Variants in CMPK1 observed in about 807,000 individuals in gnomAD.
CMPK1 encodes cytidine/uridine monophosphate kinase 1.
Under a neutral mutation model 25.7 loss-of-function variants are expected in CMPK1, and 10 were observed. The observed-to-expected ratio is 0.39, with a 90% CI of 0.24 to 0.66. The LOEUF (loss-of-function observed/expected upper bound fraction) is 0.66. CMPK1 is among the 30% of genes least tolerant of loss of function. The pLI, the probability that CMPK1 is intolerant of heterozygous loss-of-function variation, is 0.48. For missense variants in CMPK1, 199 were observed against 280.5 expected (o/e 0.71, Z 2.08); for synonymous variants, 106 against 101.5 (o/e 1.04, Z -0.27).
intron 1 of CMPK1, among the ~76,000 whole-genome samples, chr1:47,334,338 G>T (rs1646380074): frequency 6.6e-6 from 1 of 152,112 alleles, no homozygotes; most frequent in Non-Finnish European, 1.5e-5. Flanking sequence ...GCTTGAGGTC[G>T]CTTTGTTCCT....
At chr1:47,355,707 A>C (rs781081195) in intron 1 of CMPK1, among the ~76,000 whole-genome samples, 2 of 150,480 alleles carry the variant, frequency 1.3e-5, no homozygotes, top group East Asian at 3.9e-4. Flanking sequence ...CCCGAGTTCA[A>C]ATGATTCTCA....
At chr1:47,335,775 T>A (rs1263584215) in intron 1 of CMPK1, among the ~76,000 whole-genome samples, 1 of 152,100 alleles carries the variant, frequency 6.6e-6, no homozygotes, top group African/African-American at 2.4e-5. Flanking sequence ...TTGTTTTTGT[T>A]TTTGTTTTTG....
At chr1:47,348,483 C>G (rs1335060930) in intron 1 of CMPK1, among the ~76,000 whole-genome samples, 2 of 152,112 alleles carry the variant, frequency 1.3e-5, no homozygotes, top group African/African-American at 4.8e-5. Flanking sequence ...TTTTATGCTG[C>G]CTGGTGCGTA....
At chr1:47,360,760 G>A (rs572428019) in intron 1 of CMPK1, among the ~76,000 whole-genome samples, 3 of 152,136 alleles carry the variant, frequency 2.0e-5, no homozygotes, top group Admixed American at 6.6e-5. Context: ...ACAGTAAGTC[G>A]AAGTGTTGCC....
At chr1:47,343,757 G>A (rs1197234208) in intron 1 of CMPK1, among the ~76,000 whole-genome samples, 1 of 151,882 alleles carries the variant, frequency 6.6e-6, no homozygotes, top group Non-Finnish European at 1.5e-5. Flanking sequence ...GCATGGTGGC[G>A]GGCGCCTGTA....
chr1:47,338,665 T>G (rs1235841152), intron 1 of CMPK1, among the ~76,000 whole-genome samples: 1 of 151,738 alleles, frequency 6.6e-6, no homozygotes, highest in Non-Finnish European at 1.5e-5. Flanking sequence ...TGTTTTATTT[T>G]CTAATTGTTT....
At chr1:47,373,233 A>G (rs1305817175) in intron 3 of CMPK1, 126 bp downstream of exon 3, 5 of 857,906 alleles carry the variant, frequency 5.8e-6, no homozygotes, top group Non-Finnish European at 8.6e-6. Flanking sequence ...GGTAGATTGG[A>G]TGGACGGAAC....
chr1:47,357,206 G>A (rs184970394), intron 1 of CMPK1, among the ~76,000 whole-genome samples: 41 of 151,670 alleles, frequency 2.7e-4, no homozygotes, highest in African/African-American at 9.4e-4. Flanking sequence ...CTGGTGATCT[G>A]CCTGCCTCGG....
chr1:47,344,592 G>A (rs189211625), intron 1 of CMPK1, among the ~76,000 whole-genome samples: 101 of 151,280 alleles, frequency 6.7e-4, no homozygotes, highest in African/African-American at 2.2e-3. Context: ...TCCACTTCCC[G>A]GGTTCAAGCG....
At chr1:47,373,999 G>T (rs1204704887) in intron 3 of CMPK1, among the ~76,000 whole-genome samples, 2 of 152,194 alleles carry the variant, frequency 1.3e-5, no homozygotes, top group Non-Finnish European at 2.9e-5. Flanking sequence ...GAAGTTGGCT[G>T]TTCTTAGGTT....
At chr1:47,372,813 CTTTT>C (rs58538890) in intron 2 of CMPK1, 138 bp from the exon 3 acceptor site, 3 of 316,736 alleles carry the variant, frequency 9.5e-6, no homozygotes, top group Non-Finnish European at 1.1e-5. Context: ...TTTTTCTTTT[CTTTT>C]TTTTTTTTGC....
intron 1 of CMPK1, among the ~76,000 whole-genome samples, chr1:47,337,936 A>G (rs912075925): frequency 6.6e-6 from 1 of 152,138 alleles, no homozygotes; most frequent in African/African-American, 2.4e-5. Flanking sequence ...TAGTGAAGTC[A>G]GCGGTATGTT....
intron 1 of CMPK1, among the ~76,000 whole-genome samples, chr1:47,352,817 T>C (rs911214841): frequency 2.0e-5 from 3 of 152,226 alleles, no homozygotes; most frequent in African/African-American, 4.8e-5. Flanking sequence ...CAGTTATTTA[T>C]GGTCATCATT....
At chr1:47,372,922 T>C in intron 2 of CMPK1, 33 bp from the exon 3 acceptor site, 1 of 1,572,962 alleles carries the variant, frequency 6.4e-7, no homozygotes, top group Non-Finnish European at 8.6e-7. Flanking sequence ...TTTGTTAATG[T>C]TGTATTGAAC....
chr1:47,344,067 T>TAAA (rs34326568), intron 1 of CMPK1, among the ~76,000 whole-genome samples: 1 of 141,436 alleles, frequency 7.1e-6, no homozygotes, highest in South Asian at 2.3e-4. Flanking sequence ...GACCATGTCT[T>TAAA]AAAAAAAAAA....
At chr1:47,335,873 C>G (rs1646394842) in intron 1 of CMPK1, among the ~76,000 whole-genome samples, 1 of 151,926 alleles carries the variant, frequency 6.6e-6, no homozygotes, top group Non-Finnish European at 1.5e-5. Flanking sequence ...AAGCGATTTT[C>G]CTGCCTCAGC....
intron 1 of CMPK1, among the ~76,000 whole-genome samples, chr1:47,350,227 C>A (rs192159974): frequency 6.6e-6 from 1 of 151,952 alleles, no homozygotes; most frequent in East Asian, 2.0e-4. Flanking sequence ...GTGTGAGCCA[C>A]CATGCTCCAC....
At chr1:47,346,004 A>G (rs1270362738) in intron 1 of CMPK1, among the ~76,000 whole-genome samples, 2 of 151,828 alleles carry the variant, frequency 1.3e-5, no homozygotes, top group African/African-American at 2.4e-5. Flanking sequence ...TTGGCCTACT[A>G]AAGTGCTGGG....
intron 1 of CMPK1, among the ~76,000 whole-genome samples, chr1:47,348,711 A>G (rs1183496556): frequency 3.3e-5 from 5 of 152,218 alleles, no homozygotes; most frequent in Non-Finnish European, 7.3e-5. Flanking sequence ...GGGGCTACAC[A>G]AAAGTCTGTT....
Sources: gnomAD v4.1 joint callset for allele counts (sites outside exome capture counted in the v4.1 genomes callset) on GRCh38, gnomAD v4.1.1 for gene constraint, MANE v1.5 for transcripts, NCBI Gene and HGNC (gene_info 2026-07-23, HGNC 2026-07-21) for gene names.